Variants in ZNF675 observed in about 807,000 individuals in gnomAD.
ZNF675 encodes TRAF6 inhibitory zinc finger.
ZNF675 carries 36 observed loss-of-function variants against 56.1 expected under a neutral mutation model. That is an observed-to-expected ratio of 0.64 (90% CI 0.49 to 0.85). ZNF675 has a LOEUF of 0.85. ZNF675 is among the 40% of genes least tolerant of loss of function. The pLI, the probability that ZNF675 is intolerant of heterozygous loss-of-function variation, is 0.00. For missense variants in ZNF675, 663 were observed against 654.2 expected (o/e 1.01, Z -0.15); for synonymous variants, 200 against 218.9 (o/e 0.91, Z 0.76).
chr19:23,653,996 T>A lies in ZNF675; in HGVS notation c.937A>T (p.Ile313Leu). The change falls in exon 4 of 4, where the codon ATA becomes TTA. Residue 313 changes from isoleucine (I) to leucine (L), a missense_variant. This residue lies in a region of ZNF675 where 617 missense variants were observed against 590.5 expected (regional missense o/e 1.04). Coordinates refer to ENST00000359788, the MANE Select transcript of ZNF675 (RefSeq NM_138330.3). Reference protein sequence around the residue: ...KKIHTGEQPYICEECGKAFTQ... With the variant: ...KKIHTGEQPYLCEECGKAFTQ... ...AAAGCCTTGCCACATTCTTCACATATGTAGGGTTGCTCTCCAGTATGAATT... is the reference window on the plus strand; with the variant it reads ...AAAGCCTTGCCACATTCTTCACATAAGTAGGGTTGCTCTCCAGTATGAATT... The A allele has an allele frequency of 2.5e-6, 4 of 1,613,958 alleles. No individual in the cohort carries two copies. Among genetic ancestry groups the A allele is most frequent in the Non-Finnish European group, 3.4e-6 (4 of 1,179,978 alleles).
rs55633960 is a variant in ZNF675 at position 23,672,233 on chromosome 19, TAAAA to T, written c.4-9079_4-9076del. On this transcript the variant is annotated intron_variant, in intron 1 of 3. Transcript: ENST00000359788. ...ACTCCAGTTAGTTAGCTCTTGGGTT[TAAAA>T]AAAAAAAAAAAAAAGGACAAGAATA... Among the ~76,000 whole-genome samples the T allele has an allele frequency of 5.2e-3, 730 of 141,188 alleles. 70 individuals carry two copies. The highest frequency in any genetic ancestry group is 0.012 in the African/African-American group (447 of 37,480). The allele number at this position is 141,188 out of a possible 152,430, so 92.6% of individuals were successfully genotyped here.
chr19:23,673,896 A>T (rs1419364629), intron 1 of ZNF675, among the ~76,000 whole-genome samples: 1 of 151,864 alleles, frequency 6.6e-6, no homozygotes, highest in East Asian at 1.9e-4. Flanking sequence ...AAACTCCACA[A>T]TGATAGAACA....
intron 1 of ZNF675, among the ~76,000 whole-genome samples, chr19:23,676,870 G>C (rs962609311): frequency 2.0e-5 from 3 of 150,922 alleles, no homozygotes; most frequent in Admixed American, 6.6e-5. Flanking sequence ...GTCAGGAGAT[G>C]GAGACCATCC....
intron 3 of ZNF675, chr19:23,658,424 C>T (rs1268053573): frequency 6.6e-6 from 1 of 151,184 alleles, no homozygotes; most frequent in South Asian, 2.1e-4. Flanking sequence ...GTGGCTCACA[C>T]CTGTACCAGA....
At position 23,687,035 on chromosome 19, in the gene ZNF675, T is replaced by A. The variant is rs1366768525; in HGVS notation, c.-2A>T. 1 of 1,613,704 alleles carries A rather than the reference T, an allele frequency of 6.2e-7. No homozygotes were observed. The highest frequency in any genetic ancestry group is 1.7e-5 in the Admixed American group (1 of 59,984). ...TGTCGCACCCGTAACTCTCACCATT[T>A]CTAGGCTTCCAGGGGGTCCTGGAGT... On this transcript the variant is annotated 5_prime_UTR_variant, in exon 1 of 4. Coordinates refer to ENST00000359788, the MANE Select transcript of ZNF675 (RefSeq NM_138330.3).
At chr19:23,654,808 C>A in intron 3 of ZNF675, 102 bp from the exon 4 acceptor site, 1 of 959,420 alleles carries the variant, frequency 1.0e-6, no homozygotes, top group East Asian at 2.6e-5. Flanking sequence ...AAGATGGCAC[C>A]ACAGGCCATA....
chr19:23,655,945 T>C (rs11669444), intron 3 of ZNF675: 147,863 of 152,204 alleles, frequency 0.97, 71,988 homozygotes, highest in Middle Eastern at 1. Context: ...ATCAAAAAAA[T>C]AGCCAGGCAT....
At chr19:23,677,379 C>T (rs1260451690) in intron 1 of ZNF675, among the ~76,000 whole-genome samples, 8 of 151,724 alleles carry the variant, frequency 5.3e-5, no homozygotes, top group Admixed American at 3.3e-4. Context: ...CATCTCTGTA[C>T]ATCAACCATA....
chr19:23,654,392 A>C lies in ZNF675; in HGVS notation c.541T>G (p.Phe181Val). Reference protein sequence around the residue: ...PFKCKECGRSFCMLSHLTRHE... With the variant: ...PFKCKECGRSVCMLSHLTRHE... ...CGAGTTAGGTGTGAAAGCATGCAAA[A>C]TGATCTGCCACATTCTTTACATTTG... Residue 181 changes from phenylalanine (F) to valine (V), a missense_variant, in exon 4 of 4, where the codon TTT becomes GTT. Physicochemically the swap from Phe to Val is conservative, Grantham distance 50 (BLOSUM62 -1). Transcript: ENST00000359788. The C allele has an allele frequency of 6.2e-7, 1 of 1,611,950 alleles. No individual in the cohort carries two copies. The highest frequency in any genetic ancestry group is 8.5e-7 in the Non-Finnish European group (1 of 1,178,750).
At chr19:23,661,886 C>A (rs1178871052) in intron 3 of ZNF675, 3 of 410,426 alleles carry the variant, frequency 7.3e-6, no homozygotes, top group Non-Finnish European at 1.3e-5. Flanking sequence ...CTGGTTCTCA[C>A]CGAAAACTTA....
Position 23,658,964 on chromosome 19 carries a change from G to GATATAGATCTCTAGAGATCT in ZNF675, c.226+3149_226+3150insAGATCTCTAGAGATCTATAT, listed in dbSNP as rs1282498511. Among the ~76,000 whole-genome samples the GATATAGATCTCTAGAGATCT allele has an allele frequency of 3.8e-3, 33 of 8,782 alleles. No homozygotes were observed. In the Non-Finnish European group the frequency reaches 0.069, roughly 18 times the overall value. 5.8% of individuals were successfully genotyped at this position (8,782 alleles called of 152,430 possible). ...AGATATAGATCTCTAGAGATCTATA[G>GATATAGATCTCTAGAGATCT]ATAGATATAGATCTAGAGATAGAGA... On this transcript the variant is annotated intron_variant, in intron 3 of 3. Transcript: ENST00000359788.
chr19:23,663,263 G>C (rs991048370), intron 1 of ZNF675, 105 bp from the exon 2 acceptor site: 2 of 1,350,570 alleles, frequency 1.5e-6, no homozygotes, highest in African/African-American at 1.5e-5. Context: ...CTGATTTATA[G>C]GAGTGACTGA....
chr19:23,674,945 C>A (rs1474439774), intron 1 of ZNF675, among the ~76,000 whole-genome samples: 1 of 146,876 alleles, frequency 6.8e-6, no homozygotes, highest in East Asian at 2.0e-4. Flanking sequence ...GCACTCCAGC[C>A]TGGGTGACAG....
intron 1 of ZNF675, among the ~76,000 whole-genome samples, chr19:23,679,734 T>C (rs1274742241): frequency 6.6e-6 from 1 of 151,362 alleles, no homozygotes; most frequent in African/African-American, 2.4e-5. Context: ...CTCATGCCTG[T>C]AATCCCAGCA....
At position 23,653,021 on chromosome 19, in the gene ZNF675, T is replaced by G. The variant is rs1258388354; in HGVS notation, c.*205A>C. ...ACAATTTTTCTTAAGTATAAACGCT[T>G]TCCTGTGCAATAAGGTTTGAGCCTT... is the stretch of plus-strand genomic sequence containing the variant. On this transcript the variant is annotated 3_prime_UTR_variant, in exon 4 of 4. Coordinates refer to ENST00000359788, the MANE Select transcript of ZNF675 (RefSeq NM_138330.3). The G allele has an allele frequency of 6.0e-6, 3 of 500,558 alleles. No individual in the cohort carries two copies. The highest frequency in any genetic ancestry group is 1.0e-5 in the Non-Finnish European group (3 of 291,058). 31.0% of individuals were successfully genotyped at this position (500,558 alleles called of 1,614,324 possible). A position where few individuals can be genotyped will look rare whatever the true frequency, so the allele number is the denominator to read the frequency against.
chr19:23,684,978 G>A (rs919990972), intron 1 of ZNF675, among the ~76,000 whole-genome samples: 1 of 142,438 alleles, frequency 7.0e-6, no homozygotes, highest in Admixed American at 7.4e-5. Context: ...GCTGGGTTGA[G>A]TAAAGGCAAT....
At position 23,683,050 on chromosome 19, in the gene ZNF675, G is replaced by A. The variant is rs149938098; in HGVS notation, c.3+3981C>T. Among the ~76,000 whole-genome samples, 943 of 151,396 alleles carry A rather than the reference G, an allele frequency of 6.2e-3. 28 individuals are homozygous for A. The highest frequency in any genetic ancestry group is 0.022 in the African/African-American group (908 of 40,900). The stretch of plus-strand genomic sequence containing the variant: ...CTACAAATACAAAAATTAGCCAGGC[G>A]TGGTGGTGCGCATCTGTAATCCCAG... On this transcript the variant is annotated intron_variant, in intron 1 of 3. Transcript: ENST00000359788.
intron 3 of ZNF675, among the ~76,000 whole-genome samples, chr19:23,659,022 T>A: frequency 6.7e-6 from 1 of 148,884 alleles, no homozygotes; most frequent in Non-Finnish European, 1.5e-5. Context: ...GTTAAATATA[T>A]AAAAATATAT....
chr19:23,673,299 A>G (rs1968249331), intron 1 of ZNF675, among the ~76,000 whole-genome samples: 1 of 151,960 alleles, frequency 6.6e-6, no homozygotes, highest in Non-Finnish European at 1.5e-5. Context: ...TCTCATGTCT[A>G]TGTGTATACT....
Sources: gnomAD v4.1 joint callset for allele counts (sites outside exome capture counted in the v4.1 genomes callset) on GRCh38, gnomAD v4.1.1 for gene constraint, gnomAD v4.1.1 regional missense constraint, MANE v1.5 for transcripts, NCBI Gene and HGNC (gene_info 2026-07-23, HGNC 2026-07-21) for gene names.